KMT2C: variants seen among roughly 807,000 people sequenced by gnomAD.
KMT2C encodes the protein histone-lysine N-methyltransferase 2C.
KMT2C carries 88 observed loss-of-function variants against 507.9 expected under a neutral mutation model. The observed-to-expected ratio is 0.17, with a 90% CI of 0.15 to 0.21. The LOEUF (loss-of-function observed/expected upper bound fraction) is 0.21. KMT2C is among the 10% of genes least tolerant of loss of function. KMT2C has a pLI of 1.00. For synonymous variants in KMT2C, 2,049 were observed against 2,080.8 expected, an observed-to-expected ratio of 0.98 and a Z score of 0.42; for missense variants, 4,954 against 5,957.8, an observed-to-expected ratio of 0.83 and a Z score of 5.55.
intron 6 of KMT2C, among the ~76,000 whole-genome samples, chr7:152,296,530 G>A (rs1347964175): frequency 6.6e-6 from 1 of 151,602 alleles, no homozygotes; most frequent in Non-Finnish European, 1.5e-5. Context: ...ATAATAAAAA[G>A]GTTCCTTTTT....
chr7:152,327,827 G>A (rs911532568), intron 3 of KMT2C, among the ~76,000 whole-genome samples: 12 of 151,482 alleles, frequency 7.9e-5, no homozygotes, highest in African/African-American at 2.4e-4. Flanking sequence ...GCGTGGTGGC[G>A]GGCACCTGTA....
chr7:152,167,519 G>C, intron 41 of KMT2C, 141 bp from the exon 42 acceptor site: 1 of 593,308 alleles, frequency 1.7e-6, no homozygotes. Context: ...AATATTAGAC[G>C]ATTATGTAAT....
At position 152,294,719 on chromosome 7, in the gene KMT2C, A is replaced by T. The variant is rs550369849; in HGVS notation, c.849+15247T>A. On this transcript the variant is annotated intron_variant, in intron 6 of 58. Coordinates refer to ENST00000262189, the MANE Select transcript of KMT2C (RefSeq NM_170606.3). ...TTATTTAGAAACTTTTATTTAGAAAATCTTATAATACAAAAACACACTTGA... is the reference window on the plus strand; with the variant it reads ...TTATTTAGAAACTTTTATTTAGAAATTCTTATAATACAAAAACACACTTGA... Among the ~76,000 whole-genome samples the T allele has an allele frequency of 5.7e-4, 87 of 152,288 alleles. 2 individuals carry two copies. The South Asian group carries it at 0.017, about 30-fold the overall frequency.
chr7:152,415,887 A>T (rs1240790501), intron 1 of KMT2C, among the ~76,000 whole-genome samples: 1 of 152,204 alleles, frequency 6.6e-6, no homozygotes, highest in Admixed American at 6.5e-5. Flanking sequence ...TCTCAAAGAA[A>T]AAAGAAAAAG....
intron 2 of KMT2C, among the ~76,000 whole-genome samples, chr7:152,348,993 A>G (rs1384300147): frequency 6.6e-6 from 1 of 152,208 alleles, no homozygotes; most frequent in East Asian, 1.9e-4. Context: ...TACATCCACA[A>G]CAAAAATTGC....
intron 13 of KMT2C, among the ~76,000 whole-genome samples, chr7:152,249,466 C>G (rs201449740): frequency 6.6e-6 from 1 of 151,450 alleles, no homozygotes; most frequent in Admixed American, 6.6e-5. Context: ...TGGGACTGCA[C>G]ACATGTGTCA....
At chr7:152,380,705 T>G (rs1177337286) in intron 1 of KMT2C, among the ~76,000 whole-genome samples, 3 of 152,220 alleles carry the variant, frequency 2.0e-5, no homozygotes, top group African/African-American at 7.2e-5. Context: ...GCCACCGCAC[T>G]CCTGCCTAAG....
intron 23 of KMT2C, among the ~76,000 whole-genome samples, chr7:152,215,688 T>TATATATACACACACACAC (rs766518165): frequency 7.4e-6 from 1 of 134,496 alleles, no homozygotes; most frequent in African/African-American, 3.4e-5. Context: ...TATATATATA[T>TATATATACACACACACAC]ACACACACAC....
At chr7:152,327,957 C>CAAAAAA (rs371396057) in intron 3 of KMT2C, among the ~76,000 whole-genome samples, 2 of 78,690 alleles carry the variant, frequency 2.5e-5, no homozygotes, top group Non-Finnish European at 2.4e-5. Flanking sequence ...GACTCCGCCT[C>CAAAAAA]AAAAAAAAAA....
intron 1 of KMT2C, among the ~76,000 whole-genome samples, chr7:152,376,172 T>C (rs1050394367): frequency 4.6e-5 from 7 of 152,192 alleles, no homozygotes; most frequent in African/African-American, 1.4e-4. Context: ...TAACATATAA[T>C]GTGTGTTCTG....
At chr7:152,289,075 C>T (rs531454137) in intron 6 of KMT2C, among the ~76,000 whole-genome samples, 2 of 152,304 alleles carry the variant, frequency 1.3e-5, no homozygotes, top group African/African-American at 2.4e-5. Flanking sequence ...AAGAAGGATT[C>T]TCAGAACATC....
At chr7:152,278,663 C>T (rs2096136973) in intron 6 of KMT2C, among the ~76,000 whole-genome samples, 2 of 151,994 alleles carry the variant, frequency 1.3e-5, no homozygotes, top group African/African-American at 4.8e-5. Flanking sequence ...AAAACACAAA[C>T]GCTAACCAAA....
chr7:152,303,790 C>A (rs188872945), intron 6 of KMT2C, among the ~76,000 whole-genome samples: 14 of 152,304 alleles, frequency 9.2e-5, no homozygotes, highest in Non-Finnish European at 1.9e-4. Flanking sequence ...GAGTTCAAGA[C>A]CAGCCTGGCC....
intron 1 of KMT2C, among the ~76,000 whole-genome samples, chr7:152,413,318 C>G (rs146849883): frequency 6.6e-6 from 1 of 151,952 alleles, no homozygotes; most frequent in East Asian, 1.9e-4. Context: ...TTTTGTTATG[C>G]TGCCCAGACT....
At chr7:152,418,236 G>A (rs1324175123) in intron 1 of KMT2C, among the ~76,000 whole-genome samples, 7 of 151,806 alleles carry the variant, frequency 4.6e-5, no homozygotes, top group Non-Finnish European at 7.4e-5. Flanking sequence ...CACCATGCCC[G>A]GCCAAATGCT....
intron 8 of KMT2C, among the ~76,000 whole-genome samples, chr7:152,264,206 C>T (rs747571509): frequency 2.3e-4 from 35 of 152,102 alleles, no homozygotes; most frequent in Admixed American, 3.3e-4. Flanking sequence ...ATTTATGTCA[C>T]GTAACTCTAA....
chr7:152,252,924 C>T (rs1238903971), intron 9 of KMT2C, among the ~76,000 whole-genome samples: 1 of 151,878 alleles, frequency 6.6e-6, no homozygotes, highest in East Asian at 1.9e-4. Context: ...GCAATCTTGG[C>T]TCACTGCAAC....
intron 1 of KMT2C, among the ~76,000 whole-genome samples, chr7:152,391,447 G>T (rs1304424940): frequency 1.3e-5 from 2 of 150,738 alleles, no homozygotes; most frequent in Non-Finnish European, 1.5e-5. Flanking sequence ...TTGCCATGTT[G>T]AACAGGCTGG....
chr7:152,398,902 A>T (rs2097553832), intron 1 of KMT2C, among the ~76,000 whole-genome samples: 1 of 152,094 alleles, frequency 6.6e-6, no homozygotes, highest in Admixed American at 6.6e-5. Flanking sequence ...ATCTTGACTC[A>T]ATGCAACCTC....
Sources: gnomAD v4.1 joint callset for allele counts (sites outside exome capture counted in the v4.1 genomes callset) on GRCh38, gnomAD v4.1.1 for gene constraint, MANE v1.5 for transcripts, NCBI Gene and HGNC (gene_info 2026-07-23, HGNC 2026-07-21) for gene names.